Variants in ALKBH8 observed in about 807,000 individuals in gnomAD.
The protein encoded by ALKBH8 is tRNA (carboxymethyluridine(34)-5-O)-methyltransferase ALKBH8.
Under a neutral mutation model 59.8 loss-of-function variants are expected in ALKBH8, and 36 were observed. That is an observed-to-expected ratio of 0.60 (90% CI 0.46 to 0.79). The LOEUF (loss-of-function observed/expected upper bound fraction) is 0.79. Ranked by LOEUF, ALKBH8 falls within the 30% of genes least tolerant of loss-of-function variation. The probability of loss-of-function intolerance (pLI) is 0.00; values close to 1 mark genes in which losing one functional copy is unlikely to be tolerated. For missense variants in ALKBH8, 768 were observed against 801.0 expected (o/e 0.96, Z 0.50); for synonymous variants, 276 against 273.6 (o/e 1.01, Z -0.09).
At chr11:107,557,916 T>C (rs1192027808) in intron 2 of ALKBH8, among the ~76,000 whole-genome samples, 7 of 152,190 alleles carry the variant, frequency 4.6e-5, no homozygotes, top group Non-Finnish European at 1.5e-5. Flanking sequence ...CATTTCAATA[T>C]AACAAAAGAA....
intron 9 of ALKBH8, among the ~76,000 whole-genome samples, chr11:107,524,618 A>T (rs1159197877): frequency 6.6e-6 from 1 of 152,238 alleles, no homozygotes; most frequent in Admixed American, 6.5e-5. Context: ...TTAAGGCTTC[A>T]AGGACACTTT....
At chr11:107,546,687 G>A (rs765467186) in intron 7 of ALKBH8, among the ~76,000 whole-genome samples, 3 of 152,066 alleles carry the variant, frequency 2.0e-5, no homozygotes, top group Non-Finnish European at 4.4e-5. Flanking sequence ...GTTTTCTGCT[G>A]TTAATTGCAG....
chr11:107,556,430 T>C (rs569187013), intron 3 of ALKBH8, among the ~76,000 whole-genome samples: 3 of 152,328 alleles, frequency 2.0e-5, no homozygotes, highest in Non-Finnish European at 4.4e-5. Flanking sequence ...TGGGTAGATA[T>C]GTGAAATAAA....
intron 7 of ALKBH8, among the ~76,000 whole-genome samples, chr11:107,540,945 A>G (rs1269810249): frequency 6.6e-6 from 1 of 152,188 alleles, no homozygotes; most frequent in African/African-American, 2.4e-5. Flanking sequence ...GGTGGTGTAT[A>G]TTTTATATTT....
chr11:107,505,028 A>T lies in ALKBH8; in HGVS notation c.1625T>A (p.Val542Glu), dbSNP rs1305318376. ...ACTGCCCATGTCACGCATTTGCTCCACAAGTGACCTCTGCACTGAGGTATC... is the reference window on the plus strand; with the variant it reads ...ACTGCCCATGTCACGCATTTGCTCCTCAAGTGACCTCTGCACTGAGGTATC... Reference protein sequence around the residue: ...NSDTSVQRSLVEQMRDMGSRD... With the variant: ...NSDTSVQRSLEEQMRDMGSRD... The change falls in exon 12 of 12, where the codon GTG (valine) becomes GAG (glutamate). Residue 542 changes from valine (V) to glutamate (E), a missense_variant. By Grantham distance (121) the Val-to-Glu change is moderately radical. Coordinates refer to ENST00000428149, the MANE Select transcript of ALKBH8 (RefSeq NM_138775.3). 19 of 1,551,676 alleles carry T rather than the reference A, an allele frequency of 1.2e-5. No individual in the cohort carries two copies. The highest frequency in any genetic ancestry group is 8.7e-7 in the Non-Finnish European group (1 of 1,147,006).
chr11:107,515,197 TAC>T (rs1862811122), intron 10 of ALKBH8, among the ~76,000 whole-genome samples: 1 of 152,188 alleles, frequency 6.6e-6, no homozygotes, highest in East Asian at 1.9e-4. Flanking sequence ...CCAAGAATAG[TAC>T]AGTGTTTGAA....
intron 11 of ALKBH8, among the ~76,000 whole-genome samples, chr11:107,507,185 T>TA (rs779106069): frequency 3.5e-4 from 54 of 152,210 alleles, no homozygotes; most frequent in Non-Finnish European, 6.8e-4. Context: ...ATACATACAA[T>TA]ATTTGATAAA....
chr11:107,561,102 G>C (rs1216610988), intron 1 of ALKBH8, among the ~76,000 whole-genome samples: 1 of 152,092 alleles, frequency 6.6e-6, no homozygotes, highest in African/African-American at 2.4e-5. Flanking sequence ...TAATAGCATA[G>C]CTCTGATGGT....
At chr11:107,557,090 A>G (rs1864750146) in intron 2 of ALKBH8, 87 bp from the exon 3 acceptor site, 4 of 1,015,668 alleles carry the variant, frequency 3.9e-6, no homozygotes, top group Middle Eastern at 2.2e-4. Context: ...TTTTTTTAAA[A>G]AAGATGTAAT....
rs776510729 is a variant in ALKBH8, at chr11:107,505,147, A to G, written c.1506T>C (p.Tyr502=). ...LLRPGGKALI[Y]VWAMEQEYNK... Reference sequence around the variant, plus strand: ...TATATTCTTGTTCCATTGCCCAGACATAAATGAGTGCCTTCCCACCTGGTC... The same window carrying G: ...TATATTCTTGTTCCATTGCCCAGACGTAAATGAGTGCCTTCCCACCTGGTC... The change falls in exon 12 of 12, where the codon TAT becomes TAC. Residue 502 remains tyrosine, a synonymous_variant. Transcript: ENST00000428149. 1 of 1,551,370 alleles carries G rather than the reference A, an allele frequency of 6.4e-7. No individual in the cohort carries two copies. Among genetic ancestry groups the G allele is most frequent in the South Asian group, 1.2e-5 (1 of 84,048 alleles).
rs1283997814 is a variant in ALKBH8 at position 107,535,070 on chromosome 11, G to A, written c.772-2664C>T. Reference sequence around the variant, plus strand: ...AGTCTCCAGTTCCATCCAGGTTGCTGCGAATGTCATTATTTTGTTCCTTTT... The same window carrying A: ...AGTCTCCAGTTCCATCCAGGTTGCTACGAATGTCATTATTTTGTTCCTTTT... On this transcript the variant is annotated intron_variant, in intron 7 of 11. Coordinates refer to ENST00000428149, the MANE Select transcript of ALKBH8 (RefSeq NM_138775.3). 2.0e-5 allele frequency among the ~76,000 whole-genome samples: 3 copies of A among 152,256 alleles called. No homozygotes were observed. The East Asian group carries it at 5.8e-4, about 29-fold the overall frequency.
At chr11:107,522,857 C>CTCT (rs749572370) in intron 9 of ALKBH8, among the ~76,000 whole-genome samples, 8 of 151,912 alleles carry the variant, frequency 5.3e-5, no homozygotes, top group Non-Finnish European at 1.0e-4. Flanking sequence ...GAGAAGGGAG[C>CTCT]TCTTGCACAC....
Position 107,503,531 on chromosome 11 carries a change from T to C in ALKBH8, c.*1127A>G, listed in dbSNP as rs1862256933. On this transcript the variant is annotated 3_prime_UTR_variant, in exon 12 of 12. Transcript: ENST00000428149. ...AAGCCTTTTCCTTCTATGTGATAAT[T>C]TGACCTATGGTTGAATTTCTACCTT... 1 of 152,222 alleles carries C rather than the reference T, an allele frequency of 6.6e-6. No individual in the cohort carries two copies. 9.4% of individuals were successfully genotyped at this position (152,222 alleles called of 1,614,324 possible).
At chr11:107,549,597 A>G (rs1485758042) in intron 7 of ALKBH8, among the ~76,000 whole-genome samples, 156 bp downstream of exon 7, 1 of 152,244 alleles carries the variant, frequency 6.6e-6, no homozygotes, top group African/African-American at 2.4e-5. Flanking sequence ...GATATTTAAA[A>G]GAAGAGGACA....
intron 11 of ALKBH8, among the ~76,000 whole-genome samples, chr11:107,510,368 A>G (rs1400029557): frequency 1.3e-5 from 2 of 152,188 alleles, no homozygotes; most frequent in Non-Finnish European, 2.9e-5. Flanking sequence ...AAGAGTCAAC[A>G]TACTACTACC....
chr11:107,508,005 T>C (rs1862462489), intron 11 of ALKBH8, among the ~76,000 whole-genome samples: 1 of 152,122 alleles, frequency 6.6e-6, no homozygotes. Context: ...AAGTCCAAAT[T>C]ATAACTATGG....
chr11:107,565,644 C>T lies in ALKBH8; in HGVS notation c.-50G>A. The T allele has an allele frequency of 6.5e-7, 1 of 1,535,730 alleles. No individual in the cohort carries two copies. Among genetic ancestry groups the T allele is most frequent in the Non-Finnish European group, 8.7e-7 (1 of 1,146,914 alleles). On this transcript the variant is annotated 5_prime_UTR_variant, in exon 1 of 12. Coordinates refer to ENST00000428149, the MANE Select transcript of ALKBH8 (RefSeq NM_138775.3). ...CGGATTCTCACCATGCGTGTGCCTT[C>T]TTCTTTGCCAGCCTCTCCACTCTAG...
chr11:107,516,399 C>T (rs1358560468), intron 10 of ALKBH8, among the ~76,000 whole-genome samples: 2 of 152,116 alleles, frequency 1.3e-5, no homozygotes, highest in Non-Finnish European at 2.9e-5. Context: ...ACTGAATATT[C>T]ACATGCAGAA....
chr11:107,551,912 C>T lies in ALKBH8; in HGVS notation c.596G>A (p.Gly199Asp), dbSNP rs770511664. 1 of 1,470,442 alleles carries T rather than the reference C, an allele frequency of 6.8e-7. No individual in the cohort carries two copies. The highest frequency in any genetic ancestry group is 9.0e-7 in the Non-Finnish European group (1 of 1,106,160). The allele number at this position is 1,470,442 out of a possible 1,614,324, so 91.1% of individuals were successfully genotyped here. The part of the protein sequence containing the change: ...NVDKDKPLSG[G>D]LPDICESFLE... ...AAAGCTTTCACAAATGTCAGGAAGA[C>T]CTACAATGAGTAATCATAAAGACAA... The change falls in exon 6 of 12, where the codon GGT becomes GAT. Residue 199 changes from glycine to aspartate, a missense_variant and splice_region_variant. Coordinates refer to ENST00000428149, the MANE Select transcript of ALKBH8 (RefSeq NM_138775.3).
Sources: gnomAD v4.1 joint callset for allele counts (sites outside exome capture counted in the v4.1 genomes callset) on GRCh38, gnomAD v4.1.1 for gene constraint, MANE v1.5 for transcripts, NCBI Gene and HGNC (gene_info 2026-07-23, HGNC 2026-07-21) for gene names.